Variants in ENTREP2 observed in about 807,000 individuals in gnomAD.
ENTREP2 encodes the protein endosomal transmembrane epsin interactor 2.
At chr15:29,158,189 C>G in the ENTREP2 span, among the ~76,000 whole-genome samples, 2 of 152,204 alleles carry the variant, frequency 1.3e-5, no homozygotes, top group South Asian at 4.1e-4. Context: ...TACTCACAGA[C>G]AGAAACACCA....
At chr15:29,291,250 GT>G in the ENTREP2 span, among the ~76,000 whole-genome samples, 2 of 152,242 alleles carry the variant, frequency 1.3e-5, no homozygotes, top group South Asian at 4.2e-4. Flanking sequence ...AATTTCAAGG[GT>G]TTTTTTGTTA....
chr15:29,211,069 C>A, the ENTREP2 span, among the ~76,000 whole-genome samples: 2 of 152,148 alleles, frequency 1.3e-5, no homozygotes, highest in Non-Finnish European at 2.9e-5. Context: ...AGGGGATTGT[C>A]TGTAAAATAT....
At chr15:29,183,426 A>G in the ENTREP2 span, among the ~76,000 whole-genome samples, 4 of 152,192 alleles carry the variant, frequency 2.6e-5, no homozygotes, top group African/African-American at 9.7e-5. Flanking sequence ...GTGAGCCAGC[A>G]AGTCTGCAGG....
At chr15:29,275,617 G>A in the ENTREP2 span, among the ~76,000 whole-genome samples, 1 of 152,196 alleles carries the variant, frequency 6.6e-6, no homozygotes. Context: ...CAAAGAACAA[G>A]GAAATGCCTA....
the ENTREP2 span, among the ~76,000 whole-genome samples, chr15:29,127,976 C>T: frequency 6.6e-6 from 1 of 152,212 alleles, no homozygotes; most frequent in Non-Finnish European, 1.5e-5. Context: ...AATCCCACGA[C>T]TGCAAAGATG....
the ENTREP2 span, chr15:29,610,367 G>A: frequency 6.6e-6 from 1 of 150,512 alleles, no homozygotes; most frequent in East Asian, 2.0e-4. Context: ...TCTTCAGAAG[G>A]CACCCAAGGT....
At chr15:29,275,766 CAGAAAAAGG>C in the ENTREP2 span, among the ~76,000 whole-genome samples, 2 of 152,284 alleles carry the variant, frequency 1.3e-5, no homozygotes, top group African/African-American at 4.8e-5. Flanking sequence ...TCTTGTGAAT[CAGAAAAAGG>C]CTTTAATTTT....
chr15:29,301,888 G>C, the ENTREP2 span, among the ~76,000 whole-genome samples: 1 of 152,160 alleles, frequency 6.6e-6, no homozygotes, highest in African/African-American at 2.4e-5. Flanking sequence ...CAGAAGGTGA[G>C]CCCTTGCCAG....
the ENTREP2 span, among the ~76,000 whole-genome samples, chr15:29,425,755 T>A: frequency 6.6e-6 from 1 of 152,104 alleles, no homozygotes; most frequent in Admixed American, 6.5e-5. Flanking sequence ...AAATTTTAAA[T>A]CTATGTTTGA....
chr15:29,365,060 G>A, the ENTREP2 span, among the ~76,000 whole-genome samples: 1 of 151,984 alleles, frequency 6.6e-6, no homozygotes, highest in South Asian at 2.1e-4. Flanking sequence ...AATCCTCTGT[G>A]TTCCACCTCT....
At chr15:29,149,777 C>T in the ENTREP2 span, among the ~76,000 whole-genome samples, 2 of 152,228 alleles carry the variant, frequency 1.3e-5, no homozygotes, top group East Asian at 3.9e-4. Flanking sequence ...TCGCCCATGA[C>T]TCTCAAGCCC....
the ENTREP2 span, chr15:29,269,716 G>T: frequency 6.6e-7 from 1 of 1,509,432 alleles, no homozygotes; most frequent in South Asian, 1.3e-5. Context: ...GTCTCCGGCG[G>T]CAGGTGCCGG....
At chr15:29,589,826 C>T in the ENTREP2 span, among the ~76,000 whole-genome samples, 305 of 152,330 alleles carry the variant, frequency 2.0e-3, 3 homozygotes, top group Middle Eastern at 0.051. Flanking sequence ...GCTCTGTAAC[C>T]TGGGACAGGC....
the ENTREP2 span, among the ~76,000 whole-genome samples, chr15:29,653,060 G>A: frequency 3.3e-5 from 5 of 152,154 alleles, no homozygotes; most frequent in Middle Eastern, 3.2e-3. Context: ...TATCCCCTGT[G>A]CAAAAAGATG....
At chr15:29,256,018 A>G in the ENTREP2 span, among the ~76,000 whole-genome samples, 1 of 141,472 alleles carries the variant, frequency 7.1e-6, no homozygotes, top group Non-Finnish European at 1.6e-5. Flanking sequence ...AAAAAAAAAA[A>G]GGAACACAAT....
the ENTREP2 span, among the ~76,000 whole-genome samples, chr15:29,474,593 C>T: frequency 1.1e-4 from 16 of 152,024 alleles, no homozygotes; most frequent in Admixed American, 1.0e-3. Context: ...CTCACTCCGT[C>T]ACCCAGGCTG....
At chr15:29,624,099 A>G in the ENTREP2 span, among the ~76,000 whole-genome samples, 1 of 152,234 alleles carries the variant, frequency 6.6e-6, no homozygotes, top group Non-Finnish European at 1.5e-5. Context: ...TATCCAGGAT[A>G]TAAGTTCCCT....
chr15:29,655,653 G>C, the ENTREP2 span, among the ~76,000 whole-genome samples: 1 of 152,102 alleles, frequency 6.6e-6, no homozygotes, highest in Non-Finnish European at 1.5e-5. Flanking sequence ...CAACATACAT[G>C]AGCCAATCAT....
chr15:29,231,578 T>C, the ENTREP2 span, among the ~76,000 whole-genome samples: 3 of 152,220 alleles, frequency 2.0e-5, no homozygotes, highest in Non-Finnish European at 2.9e-5. Context: ...GATAGTGATA[T>C]AGTATTTATA....
Sources: gnomAD v4.1 joint callset for allele counts (sites outside exome capture counted in the v4.1 genomes callset) on GRCh38, gnomAD v4.1.1 for gene constraint, MANE v1.5 for transcripts, NCBI Gene and HGNC (gene_info 2026-07-23, HGNC 2026-07-21) for gene names.